CNGB1: variants seen among roughly 807,000 people sequenced by gnomAD.
CNGB1 encodes cyclic nucleotide gated channel subunit beta 1, also known as cyclic nucleotide-gated channel beta-1.
Under a neutral mutation model 151.7 loss-of-function variants are expected in CNGB1, and 126 were observed. That is an observed-to-expected ratio of 0.83 (90% CI 0.72 to 0.96). The LOEUF (loss-of-function observed/expected upper bound fraction) is 0.96. Among genes scored for constraint, CNGB1 ranks in the 40% least tolerant of loss-of-function variants. The probability of loss-of-function intolerance (pLI) is 0.00; values close to 1 mark genes in which losing one functional copy is unlikely to be tolerated. For synonymous variants in CNGB1, 623 were observed against 635.1 expected (o/e 0.98, Z 0.29); for missense variants, 1,698 against 1,627.0 (o/e 1.04, Z -0.75).
rs369288085 is a variant in CNGB1, at chr16:57,958,444, G to A, written c.803C>T (p.Pro268Leu). 4.3e-6 allele frequency: 7 copies of A among 1,611,142 alleles called. No individual in the cohort carries two copies. Among genetic ancestry groups the A allele is most frequent in the Non-Finnish European group, 4.2e-6 (5 of 1,179,364 alleles). Residue 268 changes from proline (P) to leucine (L), a missense_variant, in exon 11 of 33, where the codon CCG (proline) becomes CTG (leucine). Physicochemically the swap from Pro to Leu is moderately conservative, Grantham distance 98. Transcript: ENST00000251102. ...TATTTTCCCATGTAGCACTGGCTGC[G>A]GCAAGGCCATCTCCAGCCTGTGCAG... is the stretch of plus-strand genomic sequence containing the variant. ...WVLHRLEMALPQPVLHGKIGE... is the reference protein window; with the variant it reads ...WVLHRLEMALLQPVLHGKIGE...
chr16:57,918,413 A>G (rs1417050499), intron 20 of CNGB1, among the ~76,000 whole-genome samples: 1 of 152,208 alleles, frequency 6.6e-6, no homozygotes, highest in Non-Finnish European at 1.5e-5. Context: ...AAAGGCAGGG[A>G]GCCCTCTGTA....
chr16:57,924,321 A>G (rs1300056394), intron 17 of CNGB1, among the ~76,000 whole-genome samples: 3 of 152,176 alleles, frequency 2.0e-5, no homozygotes, highest in Non-Finnish European at 2.9e-5. Context: ...CCAAGAAACC[A>G]AGCTCCAGTG....
chr16:57,884,048 C>G lies in CNGB1; in HGVS notation c.*116G>C. The G allele has an allele frequency of 4.0e-6, 6 of 1,494,462 alleles. No homozygotes were observed. Among genetic ancestry groups the G allele is most frequent in the Non-Finnish European group, 4.7e-6 (5 of 1,075,118 alleles). 92.6% of individuals were successfully genotyped at this position (1,494,462 alleles called of 1,614,324 possible). A position where few individuals can be genotyped will look rare whatever the true frequency, so the allele number is the denominator to read the frequency against. Reference sequence around the variant, plus strand: ...GCTGCAGCCACTGAGGTCACGACTACGGAAAAGCATCTTCTCTTGAGCCGT... The same window carrying G: ...GCTGCAGCCACTGAGGTCACGACTAGGGAAAAGCATCTTCTCTTGAGCCGT... On this transcript the variant is annotated 3_prime_UTR_variant, in exon 33 of 33. Coordinates refer to ENST00000251102, the MANE Select transcript of CNGB1 (RefSeq NM_001297.5).
At chr16:57,960,133 C>G in intron 9 of CNGB1, 68 bp from the exon 10 acceptor site, 1 of 1,529,530 alleles carries the variant, frequency 6.5e-7, no homozygotes, top group Non-Finnish European at 8.7e-7. Flanking sequence ...CCCTCAAGGG[C>G]ACGGGGCCAG....
intron 17 of CNGB1, among the ~76,000 whole-genome samples, chr16:57,929,263 T>G (rs1389503887): frequency 1.3e-5 from 2 of 152,152 alleles, no homozygotes; most frequent in Non-Finnish European, 2.9e-5. Flanking sequence ...TCACTAATCG[T>G]TGGGTGTATT....
rs1960385311 is a variant in CNGB1, at chr16:57,901,453, G to T, written c.2893-18C>A. 6.2e-7 allele frequency: 1 copy of T among 1,614,066 alleles called. No homozygotes were observed. The highest frequency in any genetic ancestry group is 8.5e-7 in the Non-Finnish European group (1 of 1,179,990). ...TCACAGCCCTGTCCCGGTGAGGAAG[G>T]GAAAGGAACTTTTTAGAGAAGATTG... On this transcript the variant is annotated intron_variant, in intron 28 of 32. Coordinates refer to ENST00000251102, the MANE Select transcript of CNGB1 (RefSeq NM_001297.5).
chr16:57,913,280 T>C (rs916451340), intron 23 of CNGB1, among the ~76,000 whole-genome samples: 5 of 152,342 alleles, frequency 3.3e-5, no homozygotes, highest in Non-Finnish European at 7.3e-5. Context: ...CTGAATTCTA[T>C]CATGAGACTT....
rs527236060 is a variant in CNGB1 at position 57,964,482 on chromosome 16, C to G, written c.217+5G>C. 31 of 1,614,064 alleles carry G rather than the reference C, an allele frequency of 1.9e-5. No individual in the cohort carries two copies. In the East Asian group the frequency reaches 6.7e-4, roughly 35 times the overall value. On this transcript the variant is annotated splice_donor_5th_base_variant and intron_variant, in intron 3 of 32. Coordinates refer to ENST00000251102, the MANE Select transcript of CNGB1 (RefSeq NM_001297.5). ...GCCAGCCTGGGCTTCAGCACTCGCA[C>G]TCACCCTGAGGGCTTGGGTCTGCCA...
At chr16:57,885,576 C>CTCTTTCTT (rs60188757) in intron 32 of CNGB1, among the ~76,000 whole-genome samples, 41 of 124,336 alleles carry the variant, frequency 3.3e-4, no homozygotes, top group Middle Eastern at 3.8e-3. Context: ...CTCTCTCTCT[C>CTCTTTCTT]TCTTTCTTTC....
intron 16 of CNGB1, among the ~76,000 whole-genome samples, chr16:57,939,107 G>A (rs1049374886): frequency 6.6e-6 from 1 of 152,048 alleles, no homozygotes; most frequent in African/African-American, 2.4e-5. Flanking sequence ...GGAGGGGCTG[G>A]TTAGGAGGGG....
intron 1 of CNGB1, among the ~76,000 whole-genome samples, chr16:57,970,786 T>C (rs1962522097): frequency 1.3e-5 from 2 of 152,136 alleles, no homozygotes; most frequent in African/African-American, 2.4e-5. Context: ...CGGGGAGCCA[T>C]GGTGTTGCAC....
At chr16:57,928,989 G>A (rs541632934) in intron 17 of CNGB1, among the ~76,000 whole-genome samples, 12 of 152,196 alleles carry the variant, frequency 7.9e-5, no homozygotes, top group Non-Finnish European at 1.3e-4. Flanking sequence ...GAAAGCACAG[G>A]TAACAAAAGC....
At chr16:57,951,531 A>G (rs1447744562) in intron 12 of CNGB1, among the ~76,000 whole-genome samples, 2 of 152,168 alleles carry the variant, frequency 1.3e-5, no homozygotes, top group African/African-American at 2.4e-5. Context: ...AGTAGTAACA[A>G]TGACTTTAAA....
intron 16 of CNGB1, among the ~76,000 whole-genome samples, chr16:57,934,682 C>T (rs989809160): frequency 3.3e-5 from 5 of 151,834 alleles, no homozygotes; most frequent in Admixed American, 6.6e-5. Flanking sequence ...CCTGGTCGGG[C>T]GCAGCAGCTC....
At chr16:57,958,740 C>A (rs1284592798) in intron 10 of CNGB1, among the ~76,000 whole-genome samples, 1 of 116,000 alleles carries the variant, frequency 8.6e-6, no homozygotes, top group East Asian at 2.7e-4. Context: ...GAAGGGAGTG[C>A]ACTTTGGGCA....
At chr16:57,966,166 C>A (rs1303899123) in intron 2 of CNGB1, among the ~76,000 whole-genome samples, 1 of 152,190 alleles carries the variant, frequency 6.6e-6, no homozygotes, top group Non-Finnish European at 1.5e-5. Context: ...CTTCTGAGCT[C>A]CCATAGTTTG....
chr16:57,963,358 G>A (rs1962309940), intron 4 of CNGB1, among the ~76,000 whole-genome samples: 1 of 152,178 alleles, frequency 6.6e-6, no homozygotes, highest in Admixed American at 6.5e-5. Flanking sequence ...GATGCTTCAT[G>A]AGGCCAGGCA....
chr16:57,957,966 AG>A (rs1244096371), intron 11 of CNGB1, among the ~76,000 whole-genome samples: 3 of 152,190 alleles, frequency 2.0e-5, no homozygotes, highest in Non-Finnish European at 4.4e-5. Flanking sequence ...AAGGAAAAGA[AG>A]GGGTGACAGA....
chr16:57,914,012 T>C (rs516183), intron 23 of CNGB1, among the ~76,000 whole-genome samples: 70,636 of 152,048 alleles, frequency 0.46, 16,850 homozygotes, highest in East Asian at 0.58. Context: ...TATTTGAAAA[T>C]AGTATTTATG....
Sources: allele counts gnomAD v4.1 joint callset (sites outside exome capture counted in the v4.1 genomes callset), GRCh38; gene constraint gnomAD v4.1.1; transcripts MANE v1.5; gene names NCBI Gene and HGNC (gene_info 2026-07-23, HGNC 2026-07-21).